TMC1: variants seen among roughly 807,000 people sequenced by gnomAD.
TMC1 encodes the protein transmembrane channel-like protein 1.
TMC1 carries 84 observed loss-of-function variants against 105.8 expected under a neutral mutation model. That is an observed-to-expected ratio of 0.79 (90% CI 0.67 to 0.95). TMC1 has a LOEUF of 0.95. TMC1 is among the 40% of genes least tolerant of loss of function. The pLI, the probability that TMC1 is intolerant of heterozygous loss-of-function variation, is 0.00. For missense variants in TMC1, 817 were observed against 914.1 expected (o/e 0.89, Z 1.37); for synonymous variants, 315 against 311.5 (o/e 1.01, Z -0.12).
chr9:72,642,637 T>C (rs567889185), intron 4 of TMC1, among the ~76,000 whole-genome samples: 1 of 152,354 alleles, frequency 6.6e-6, no homozygotes, highest in East Asian at 1.9e-4. Context: ...TTTTTAAACA[T>C]TTTATATTGT....
chr9:72,578,695 T>C (rs918105795), intron 2 of TMC1, among the ~76,000 whole-genome samples: 1 of 152,208 alleles, frequency 6.6e-6, no homozygotes, highest in Admixed American at 6.5e-5. Flanking sequence ...GAGGAGCTTT[T>C]TAAAAGTATT....
At chr9:72,602,821 A>T (rs976344638) in intron 2 of TMC1, among the ~76,000 whole-genome samples, 2 of 152,164 alleles carry the variant, frequency 1.3e-5, no homozygotes, top group African/African-American at 4.8e-5. Context: ...GTATTTTTAG[A>T]TAGAAATGTA....
chr9:72,697,221 A>G (rs1438122312), intron 7 of TMC1, among the ~76,000 whole-genome samples: 1 of 152,150 alleles, frequency 6.6e-6, no homozygotes, highest in Non-Finnish European at 1.5e-5. Flanking sequence ...AGCAATCCAG[A>G]AAAGTTTTGT....
intron 2 of TMC1, among the ~76,000 whole-genome samples, chr9:72,599,535 G>A (rs1824772237): frequency 6.6e-6 from 1 of 152,146 alleles, no homozygotes; most frequent in South Asian, 2.1e-4. Context: ...CCAAATTGAA[G>A]TTCGATTTTC....
At chr9:72,713,441 A>G (rs951354517) in intron 8 of TMC1, among the ~76,000 whole-genome samples, 1 of 152,114 alleles carries the variant, frequency 6.6e-6, no homozygotes, top group Non-Finnish European at 1.5e-5. Flanking sequence ...TTGCTGCCTC[A>G]ATTTCAGAAC....
intron 18 of TMC1, among the ~76,000 whole-genome samples, chr9:72,806,525 G>A (rs1188638171): frequency 6.8e-6 from 1 of 148,034 alleles, no homozygotes; most frequent in Non-Finnish European, 1.5e-5. Context: ...CCGGGCGGAG[G>A]GGCTCCTCAC....
intron 1 of TMC1, among the ~76,000 whole-genome samples, chr9:72,532,575 A>G (rs1463865879): frequency 6.2e-5 from 9 of 146,332 alleles, no homozygotes; most frequent in African/African-American, 7.6e-5. Context: ...AAAAAAAAAA[A>G]AAAAAAAAAA....
At chr9:72,532,343 C>T (rs1238735970) in intron 1 of TMC1, among the ~76,000 whole-genome samples, 2 of 151,704 alleles carry the variant, frequency 1.3e-5, no homozygotes, top group Admixed American at 6.6e-5. Context: ...GAGTTCGAGA[C>T]CAGCCTGACC....
intron 8 of TMC1, among the ~76,000 whole-genome samples, chr9:72,727,752 A>G (rs1042821306): frequency 1.3e-5 from 2 of 152,160 alleles, no homozygotes; most frequent in African/African-American, 4.8e-5. Flanking sequence ...AAGAACAGTA[A>G]GAGTAAGCTG....
chr9:72,835,502 A>G (rs1002492446), intron 23 of TMC1, among the ~76,000 whole-genome samples: 3 of 152,240 alleles, frequency 2.0e-5, no homozygotes, highest in African/African-American at 7.2e-5. Context: ...TCTAAATTCT[A>G]ATTAAGGCTT....
At chr9:72,827,995 AC>A (rs1270768336) in intron 21 of TMC1, among the ~76,000 whole-genome samples, 3 of 152,284 alleles carry the variant, frequency 2.0e-5, no homozygotes, top group Non-Finnish European at 4.4e-5. Flanking sequence ...CAATTTTATA[AC>A]CTAAGAAATT....
At position 72,772,533 on chromosome 9, in the gene TMC1, A is replaced by G. The variant is rs1225032183; in HGVS notation, c.862A>G (p.Ser288Gly). 6.2e-7 allele frequency: 1 copy of G among 1,613,882 alleles called. No homozygotes were observed. The highest frequency in any genetic ancestry group is 8.5e-7 in the Non-Finnish European group (1 of 1,179,802). The change falls in exon 13 of 24, where the codon AGC becomes GGC. Residue 288 changes from serine to glycine, a missense_variant. Coordinates refer to ENST00000297784, the MANE Select transcript of TMC1 (RefSeq NM_138691.3). The part of the protein sequence containing the change: ...FLVGIMCIGY[S>G]FLVVLKAMTK... ...AGTGGGGATTATGTGCATTGGATAC[A>G]GCTTTCTGGTTGTCCTCAAAGCGTA...
At chr9:72,765,554 T>C (rs1827816301) in intron 12 of TMC1, among the ~76,000 whole-genome samples, 1 of 150,370 alleles carries the variant, frequency 6.7e-6, no homozygotes, top group East Asian at 2.0e-4. Flanking sequence ...CATGAGATAG[T>C]GCTATGCTCT....
intron 18 of TMC1, among the ~76,000 whole-genome samples, chr9:72,807,066 G>C (rs1278829766): frequency 6.6e-6 from 1 of 152,208 alleles, no homozygotes; most frequent in African/African-American, 2.4e-5. Flanking sequence ...GCTGGAGACT[G>C]GCCTGGCCAA....
intron 3 of TMC1, 126 bp downstream of exon 3, chr9:72,616,603 T>C (rs1338313516): frequency 1.1e-5 from 1 of 94,370 alleles, no homozygotes; most frequent in Non-Finnish European, 2.4e-5. Context: ...ATATCTTTTA[T>C]TGTTGAAGTC....
intron 12 of TMC1, among the ~76,000 whole-genome samples, chr9:72,766,608 G>A (rs566157011): frequency 6.6e-6 from 1 of 152,212 alleles, no homozygotes; most frequent in East Asian, 1.9e-4. Flanking sequence ...TAGGCAGGAG[G>A]CAGGGGGACA....
intron 8 of TMC1, among the ~76,000 whole-genome samples, chr9:72,730,852 C>T (rs1466445783): frequency 2.6e-5 from 4 of 152,160 alleles, no homozygotes; most frequent in African/African-American, 4.8e-5. Flanking sequence ...CTAGATCTCT[C>T]GCATGTGCAG....
intron 5 of TMC1, among the ~76,000 whole-genome samples, chr9:72,649,396 A>G (rs1825765172): frequency 1.3e-5 from 2 of 152,212 alleles, no homozygotes; most frequent in African/African-American, 2.4e-5. Flanking sequence ...GCTTTTCTGT[A>G]TAGACTGTCT....
intron 5 of TMC1, among the ~76,000 whole-genome samples, chr9:72,662,250 G>A (rs1044765870): frequency 4.0e-5 from 6 of 149,074 alleles, no homozygotes; most frequent in Non-Finnish European, 5.9e-5. Context: ...ACAGTGGTAC[G>A]ATCTTAGCTC....
Sources: allele counts gnomAD v4.1 joint callset (sites outside exome capture counted in the v4.1 genomes callset), GRCh38; gene constraint gnomAD v4.1.1; transcripts MANE v1.5; gene names NCBI Gene and HGNC (gene_info 2026-07-23, HGNC 2026-07-21).